The following WRN variants were observed in gnomAD, a reference collection of about 807,000 sequenced individuals.
WRN encodes bifunctional 3'-5' exonuclease/ATP-dependent helicase WRN.
Under a neutral mutation model 180.7 loss-of-function variants are expected in WRN, and 149 were observed. The observed-to-expected ratio is 0.82, with a 90% confidence interval of 0.72 to 0.94. WRN has a LOEUF of 0.94. Ranked by LOEUF, WRN falls within the 40% of genes least tolerant of loss-of-function variation. The pLI, the probability that WRN is intolerant of heterozygous loss-of-function variation, is 0.00. For synonymous variants in WRN, 548 were observed against 568.9 expected (o/e 0.96, Z 0.52); for missense variants, 1,661 against 1,700.1 (o/e 0.98, Z 0.40).
chr8:31,037,884 G>C (rs756977099), intron 1 of WRN, among the ~76,000 whole-genome samples: 1 of 152,076 alleles, frequency 6.6e-6, no homozygotes, highest in African/African-American at 2.4e-5. Flanking sequence ...TGAGGATAAT[G>C]TTTTCAAGGT....
At chr8:31,091,696 G>A in intron 15 of WRN, 134 bp from the exon 16 acceptor site, 1 of 861,768 alleles carries the variant, frequency 1.2e-6, no homozygotes, top group African/African-American at 1.7e-5. Flanking sequence ...TATCAAGTTA[G>A]TAAGTGACAA....
chr8:31,155,491 G>A (rs182856540), intron 32 of WRN, among the ~76,000 whole-genome samples: 221 of 152,012 alleles, frequency 1.5e-3, no homozygotes, highest in Non-Finnish European at 2.4e-3. Flanking sequence ...GCGTAGTGAC[G>A]CATGCCTGTA....
At chr8:31,137,270 T>C (rs961163427) in intron 24 of WRN, among the ~76,000 whole-genome samples, 1 of 152,172 alleles carries the variant, frequency 6.6e-6, no homozygotes, top group Non-Finnish European at 1.5e-5. Flanking sequence ...AGTTAATCCC[T>C]ACTGATCAGA....
At chr8:31,123,197 G>C (rs1031788575) in intron 21 of WRN, among the ~76,000 whole-genome samples, 1 of 151,956 alleles carries the variant, frequency 6.6e-6, no homozygotes, top group Non-Finnish European at 1.5e-5. Flanking sequence ...TTTACTCCCT[G>C]TCTGTTAGTC....
chr8:31,055,825 A>T (rs189247328), intron 1 of WRN, among the ~76,000 whole-genome samples: 1 of 152,334 alleles, frequency 6.6e-6, no homozygotes, highest in East Asian at 1.9e-4. Context: ...TAAATAAAAA[A>T]TTATTTTATG....
intron 30 of WRN, among the ~76,000 whole-genome samples, chr8:31,149,684 A>G (rs1380332322): frequency 6.6e-6 from 1 of 151,822 alleles, no homozygotes; most frequent in East Asian, 2.0e-4. Context: ...TGTGTTGTCC[A>G]GGCTGGTGTT....
chr8:31,068,975 T>C lies in WRN; in HGVS notation c.724+648T>C, dbSNP rs116487820. 7.3e-3 allele frequency among the ~76,000 whole-genome samples: 1,118 copies of C among 152,308 alleles called. 16 individuals carry two copies. Among genetic ancestry groups the C allele is most frequent in the African/African-American group, 0.026 (1,077 of 41,560 alleles). ...CACAGACCAATGTGAATCCCAGCCA[T>C]GTGACCTGGGATGTACCTGTTTCTC... On this transcript the variant is annotated intron_variant, in intron 7 of 34. Coordinates refer to ENST00000298139, the MANE Select transcript of WRN (RefSeq NM_000553.6).
At chr8:31,101,479 C>G (rs1482451122) in intron 18 of WRN, among the ~76,000 whole-genome samples, 2 of 151,810 alleles carry the variant, frequency 1.3e-5, no homozygotes, top group African/African-American at 4.8e-5. Context: ...CCCTTTCTTC[C>G]CTAATTATAA....
intron 1 of WRN, among the ~76,000 whole-genome samples, chr8:31,041,020 A>G (rs1811634440): frequency 1.3e-5 from 2 of 152,194 alleles, no homozygotes; most frequent in African/African-American, 4.8e-5. Flanking sequence ...GAGTACTGAT[A>G]GTTCATCCAT....
intron 16 of WRN, among the ~76,000 whole-genome samples, chr8:31,095,352 C>T (rs1813922033): frequency 6.6e-6 from 1 of 152,032 alleles, no homozygotes; most frequent in South Asian, 2.1e-4. Context: ...AACATTTTCT[C>T]CTAGTTTATG....
In WRN at chr8:31,062,538, G is replaced by T. The variant is rs1022087838; in HGVS notation, c.210-1751G>T. ...TCCTCCTGCCTCAGCCTCCTGAGTA[G>T]CTGGGACTACAGGCATGCACCATCA... On this transcript the variant is annotated intron_variant, in intron 3 of 34. Coordinates refer to ENST00000298139, the MANE Select transcript of WRN (RefSeq NM_000553.6). 7.9e-5 allele frequency among the ~76,000 whole-genome samples: 12 copies of T among 151,502 alleles called. No homozygotes were observed. The East Asian group carries it at 2.1e-3, about 27-fold the overall frequency.
chr8:31,130,607 A>C (rs1158148366), intron 23 of WRN, among the ~76,000 whole-genome samples: 1 of 110,568 alleles, frequency 9.0e-6, no homozygotes, highest in Admixed American at 1.2e-4. Flanking sequence ...AATTTATAGC[A>C]TAGGATTTGG....
At chr8:31,159,184 C>T (rs1322579433) in intron 33 of WRN, among the ~76,000 whole-genome samples, 1 of 151,922 alleles carries the variant, frequency 6.6e-6, no homozygotes, top group African/African-American at 2.4e-5. Flanking sequence ...CCTATAGTCT[C>T]AGCTACTTGG....
rs957345030 is a variant in WRN at position 31,175,497 on chromosome 8, G to A, written c.*2395G>A. 1.3e-5 allele frequency among the ~76,000 whole-genome samples: 2 copies of A among 152,148 alleles called. No homozygotes were observed. The highest frequency in any genetic ancestry group is 4.8e-5 in the African/African-American group (2 of 41,442). On this transcript the variant is annotated 3_prime_UTR_variant, in exon 35 of 35. Coordinates refer to ENST00000298139, the MANE Select transcript of WRN (RefSeq NM_000553.6). ...GTTCAGAGTACAAGATGGACCAATG[G>A]ATTTGATATATTTGAATATAACAGA...
At chr8:31,046,383 TCTTTC>T (rs1468126866) in intron 1 of WRN, among the ~76,000 whole-genome samples, 2 of 152,210 alleles carry the variant, frequency 1.3e-5, no homozygotes, top group Non-Finnish European at 2.9e-5. Flanking sequence ...GATTTTTTTT[TCTTTC>T]CTTTGATAAA....
chr8:31,132,071 G>A (rs1015093585), intron 23 of WRN, among the ~76,000 whole-genome samples: 5 of 149,490 alleles, frequency 3.3e-5, no homozygotes, highest in African/African-American at 9.9e-5. Context: ...CTGCTTGCTC[G>A]TCCTATTATT....
intron 1 of WRN, among the ~76,000 whole-genome samples, chr8:31,041,179 A>T (rs1240788223): frequency 6.6e-6 from 1 of 152,200 alleles, no homozygotes; most frequent in East Asian, 1.9e-4. Context: ...GCCAGGAGAC[A>T]TACCCACGGG....
intron 1 of WRN, among the ~76,000 whole-genome samples, chr8:31,048,466 A>G (rs1470876280): frequency 6.6e-6 from 1 of 152,216 alleles, no homozygotes; most frequent in Non-Finnish European, 1.5e-5. Context: ...ATCTTCTGCA[A>G]TAAACTATAG....
At chr8:31,075,166 C>A (rs1460464631) in intron 7 of WRN, among the ~76,000 whole-genome samples, 1 of 152,092 alleles carries the variant, frequency 6.6e-6, no homozygotes, top group Non-Finnish European at 1.5e-5. Flanking sequence ...CTAAGATCTC[C>A]AAGGGATGAA....
Sources: allele counts gnomAD v4.1 joint callset (sites outside exome capture counted in the v4.1 genomes callset), GRCh38; gene constraint gnomAD v4.1.1; transcripts MANE v1.5; gene names NCBI Gene and HGNC (gene_info 2026-07-23, HGNC 2026-07-21).